NAALADL2: variants seen among roughly 807,000 people sequenced by gnomAD.
NAALADL2 encodes N-acetylated alpha-linked acidic dipeptidase like 2, also known as inactive N-acetylated-alpha-linked acidic dipeptidase-like protein 2.
Under a neutral mutation model 87.2 loss-of-function variants are expected in NAALADL2, and 76 were observed. The ratio of observed to expected loss-of-function variants is 0.87; its 90% CI spans 0.72 to 1.05. The LOEUF (loss-of-function observed/expected upper bound fraction) is 1.05. NAALADL2 is among the 50% of genes least tolerant of loss of function. NAALADL2 has a pLI of 0.00. For synonymous variants in NAALADL2, 354 were observed against 331.0 expected (o/e 1.07, Z -0.75); for missense variants, 1,089 against 945.8 (o/e 1.15, Z -1.99).
chr3:175,478,029 G>T (rs1017275743), intron 9 of NAALADL2, among the ~76,000 whole-genome samples: 5 of 151,878 alleles, frequency 3.3e-5, no homozygotes, highest in Admixed American at 6.6e-5. Flanking sequence ...TTTCTTTTCT[G>T]CTTCCTGTAA....
At chr3:174,505,442 G>A (rs1019382266) in intron 1 of NAALADL2, among the ~76,000 whole-genome samples, 3 of 152,180 alleles carry the variant, frequency 2.0e-5, no homozygotes, top group Admixed American at 6.6e-5. Context: ...TCAAGAAAAT[G>A]CCAGAGAAGG....
At chr3:174,607,401 T>G (rs1027485437) in intron 2 of NAALADL2, among the ~76,000 whole-genome samples, 1 of 151,246 alleles carries the variant, frequency 6.6e-6, no homozygotes, top group Non-Finnish European at 1.5e-5. Context: ...GACCCATCAG[T>G]GTGCTGTATT....
chr3:174,845,675 G>T (rs963242856), intron 3 of NAALADL2, among the ~76,000 whole-genome samples: 2 of 152,230 alleles, frequency 1.3e-5, no homozygotes, highest in African/African-American at 4.8e-5. Context: ...TAAGCAGGTT[G>T]TTGAGCCAGG....
intron 9 of NAALADL2, among the ~76,000 whole-genome samples, chr3:175,569,983 C>G (rs1251197320): frequency 6.6e-6 from 1 of 152,086 alleles, no homozygotes; most frequent in African/African-American, 2.4e-5. Context: ...GTTATGGTGG[C>G]TGACAAGCCC....
chr3:175,764,805 T>C (rs1324873703), intron 13 of NAALADL2, among the ~76,000 whole-genome samples: 1 of 152,098 alleles, frequency 6.6e-6, no homozygotes, highest in Admixed American at 6.6e-5. Flanking sequence ...ATACATAATT[T>C]TAAGAGGTTG....
intron 2 of NAALADL2, among the ~76,000 whole-genome samples, chr3:174,658,726 T>A (rs549677752): frequency 6.6e-6 from 1 of 152,316 alleles, no homozygotes; most frequent in East Asian, 1.9e-4. Flanking sequence ...GGTAGTTTTT[T>A]CAATAAGTAT....
At chr3:175,108,919 G>T (rs894766132) in intron 2 of NAALADL2, among the ~76,000 whole-genome samples, 9 of 151,694 alleles carry the variant, frequency 5.9e-5, no homozygotes, top group African/African-American at 2.4e-5. Context: ...TTTTCTCTTG[G>T]GGGTGGCATG....
intron 1 of NAALADL2, among the ~76,000 whole-genome samples, chr3:175,007,841 A>G (rs1269929017): frequency 2.0e-5 from 3 of 152,166 alleles, no homozygotes; most frequent in Non-Finnish European, 2.9e-5. Context: ...AATTATGACA[A>G]TATACCATCG....
chr3:175,775,973 T>C (rs539565566), intron 13 of NAALADL2, among the ~76,000 whole-genome samples: 40 of 152,278 alleles, frequency 2.6e-4, no homozygotes, highest in South Asian at 1.4e-3. Flanking sequence ...CTTTATGTCT[T>C]ACCGTCTGTA....
At chr3:174,503,481 G>A (rs921110169) in intron 1 of NAALADL2, among the ~76,000 whole-genome samples, 1 of 152,014 alleles carries the variant, frequency 6.6e-6, no homozygotes, top group Non-Finnish European at 1.5e-5. Flanking sequence ...TATTTTTGGA[G>A]ATCTGACTTA....
At chr3:175,058,191 A>G (rs1423230945) in intron 1 of NAALADL2, among the ~76,000 whole-genome samples, 1 of 152,198 alleles carries the variant, frequency 6.6e-6, no homozygotes, top group Non-Finnish European at 1.5e-5. Context: ...AGTTTGAAGG[A>G]AAGGGAAAAA....
At chr3:175,347,755 C>T (rs893413228) in intron 5 of NAALADL2, among the ~76,000 whole-genome samples, 2 of 152,096 alleles carry the variant, frequency 1.3e-5, no homozygotes, top group African/African-American at 4.8e-5. Context: ...TGTTATTATA[C>T]TTTAAGTTCT....
intron 11 of NAALADL2, among the ~76,000 whole-genome samples, chr3:175,717,847 T>C (rs1168733477): frequency 1.4e-5 from 2 of 145,734 alleles, no homozygotes; most frequent in African/African-American, 5.2e-5. Context: ...CTCACTCTGT[T>C]CACCCAGGTT....
At chr3:175,576,886 C>T (rs528042877) in intron 10 of NAALADL2, among the ~76,000 whole-genome samples, 10 of 152,258 alleles carry the variant, frequency 6.6e-5, no homozygotes, top group African/African-American at 2.4e-4. Context: ...GTAATTATTA[C>T]ATTAACAAAA....
intron 4 of NAALADL2, among the ~76,000 whole-genome samples, chr3:175,274,491 A>G (rs1002471894): frequency 1.3e-5 from 2 of 152,192 alleles, no homozygotes; most frequent in Non-Finnish European, 2.9e-5. Flanking sequence ...ATTTCAAAAC[A>G]TTAGTGAGCT....
chr3:174,587,080 G>A (rs576664858), intron 2 of NAALADL2, among the ~76,000 whole-genome samples: 6 of 151,480 alleles, frequency 4.0e-5, no homozygotes, highest in Non-Finnish European at 7.4e-5. Flanking sequence ...GAGGACATGC[G>A]GAGTTTGGTT....
At chr3:175,793,564 C>G (rs1387391018) in intron 13 of NAALADL2, among the ~76,000 whole-genome samples, 1 of 152,006 alleles carries the variant, frequency 6.6e-6, no homozygotes, top group African/African-American at 2.4e-5. Flanking sequence ...ATCTGCCGAC[C>G]TCGGCCTCCT....
chr3:175,454,281 G>T (rs1025979134), intron 6 of NAALADL2, among the ~76,000 whole-genome samples: 2 of 151,790 alleles, frequency 1.3e-5, no homozygotes, highest in African/African-American at 4.8e-5. Flanking sequence ...TTAGATGTTT[G>T]CCATTAAATT....
chr3:174,727,708 C>T (rs908539248), intron 2 of NAALADL2, among the ~76,000 whole-genome samples: 3 of 152,050 alleles, frequency 2.0e-5, no homozygotes, highest in African/African-American at 7.2e-5. Flanking sequence ...AGTTGATGAA[C>T]CAATGTTGAC....
Sources: allele counts gnomAD v4.1 joint callset (sites outside exome capture counted in the v4.1 genomes callset), GRCh38; gene constraint gnomAD v4.1.1; transcripts MANE v1.5; gene names NCBI Gene and HGNC (gene_info 2026-07-23, HGNC 2026-07-21).